PDE4B: variants seen among roughly 807,000 people sequenced by gnomAD.
PDE4B encodes the protein phosphodiesterase 4B.
Under a neutral mutation model 82.2 loss-of-function variants are expected in PDE4B, and 20 were observed. That is an observed-to-expected ratio of 0.24 (90% CI 0.17 to 0.35). The LOEUF is 0.35. PDE4B is among the 10% of genes least tolerant of loss of function. PDE4B has a pLI of 1.00. For synonymous variants in PDE4B, 320 were observed against 318.9 expected, an observed-to-expected ratio of 1.00 and a Z score of -0.04; for missense variants, 655 against 907.2, an observed-to-expected ratio of 0.72 and a Z score of 3.57.
intron 1 of PDE4B, among the ~76,000 whole-genome samples, chr1:65,816,757 A>G (rs1420667532): frequency 3.3e-5 from 5 of 152,232 alleles, no homozygotes; most frequent in Non-Finnish European, 5.9e-5. Context: ...ATGATACAGT[A>G]TAAATTAGAT....
intron 7 of PDE4B, chr1:66,330,848 A>T: frequency 2.1e-6 from 2 of 935,980 alleles, no homozygotes; most frequent in Non-Finnish European, 2.5e-6. Flanking sequence ...AGGTATGTGT[A>T]AGTCTGGCTT....
intron 3 of PDE4B, among the ~76,000 whole-genome samples, chr1:66,241,934 A>G (rs1362716018): frequency 2.0e-5 from 3 of 152,220 alleles, no homozygotes; most frequent in African/African-American, 7.2e-5. Context: ...AGAAAAAACT[A>G]TAAGATCTTT....
chr1:65,852,121 G>A (rs1284173937), intron 1 of PDE4B, among the ~76,000 whole-genome samples: 1 of 151,830 alleles, frequency 6.6e-6, no homozygotes, highest in East Asian at 1.9e-4. Context: ...CTATTTCCAA[G>A]AACTTTTGAA....
At chr1:66,008,197 G>A (rs1006375228) in intron 3 of PDE4B, among the ~76,000 whole-genome samples, 1 of 152,102 alleles carries the variant, frequency 6.6e-6, no homozygotes, top group Non-Finnish European at 1.5e-5. Context: ...ACAGAATTTG[G>A]CACATTAGAG....
At chr1:66,232,039 A>G (rs1452528477) in intron 3 of PDE4B, among the ~76,000 whole-genome samples, 1 of 152,264 alleles carries the variant, frequency 6.6e-6, no homozygotes, top group Admixed American at 6.5e-5. Context: ...AGACCTGCTC[A>G]TAGGCATTTG....
At chr1:65,897,607 A>G (rs1646925544) in intron 1 of PDE4B, among the ~76,000 whole-genome samples, 2 of 151,966 alleles carry the variant, frequency 1.3e-5, no homozygotes, top group Admixed American at 1.3e-4. Flanking sequence ...TTCTTGTGTT[A>G]ATCTGCTTAG....
At chr1:65,864,028 C>A (rs1017051407) in intron 1 of PDE4B, among the ~76,000 whole-genome samples, 1 of 151,848 alleles carries the variant, frequency 6.6e-6, no homozygotes, top group Admixed American at 6.6e-5. Context: ...TGAATTTGAG[C>A]CCCATATTTC....
At chr1:66,336,770 A>G (rs1437209177) in intron 8 of PDE4B, among the ~76,000 whole-genome samples, 2 of 152,202 alleles carry the variant, frequency 1.3e-5, no homozygotes, top group East Asian at 1.9e-4. Flanking sequence ...ACAGATAACC[A>G]TCATGAGGAA....
chr1:66,112,590 A>G (rs1645511890), intron 3 of PDE4B, among the ~76,000 whole-genome samples: 1 of 152,156 alleles, frequency 6.6e-6, no homozygotes, highest in Non-Finnish European at 1.5e-5. Context: ...GGCAGTGAGA[A>G]CATATCTAAC....
intron 1 of PDE4B, among the ~76,000 whole-genome samples, chr1:65,907,296 A>G (rs749760786): frequency 4.6e-5 from 7 of 152,288 alleles, no homozygotes; most frequent in South Asian, 4.1e-4. Flanking sequence ...TATTTTATGT[A>G]TCAAATTCTG....
At chr1:66,025,293 A>T (rs185866531) in intron 3 of PDE4B, among the ~76,000 whole-genome samples, 1 of 152,200 alleles carries the variant, frequency 6.6e-6, no homozygotes, top group Admixed American at 6.5e-5. Flanking sequence ...AACAATTTAT[A>T]TGAAAGCTTT....
rs757951379 is a variant in PDE4B, at chr1:66,198,642, G to A, written c.282-48818G>A. Among the ~76,000 whole-genome samples the A allele has an allele frequency of 1.1e-4, 16 of 152,062 alleles. No individual in the cohort carries two copies. In the South Asian group the frequency reaches 2.9e-3, roughly 28 times the overall value. On this transcript the variant is annotated intron_variant, in intron 3 of 16. Coordinates refer to ENST00000341517, the MANE Select transcript of PDE4B (RefSeq NM_002600.4). ...ATTATTATTATGCTTTAAGTTTTAG[G>A]GTACTTGTGCACAACGTGCAGGTTT...
chr1:66,039,181 A>G (rs1018488279), intron 3 of PDE4B, among the ~76,000 whole-genome samples: 1 of 152,078 alleles, frequency 6.6e-6, no homozygotes, highest in East Asian at 1.9e-4. Flanking sequence ...TTGGACACAC[A>G]ATAGATAACA....
intron 1 of PDE4B, among the ~76,000 whole-genome samples, chr1:65,835,333 A>G (rs1343929978): frequency 6.6e-6 from 1 of 152,184 alleles, no homozygotes; most frequent in Non-Finnish European, 1.5e-5. Flanking sequence ...TGAGCCATTC[A>G]CAAGTTTCTG....
intron 3 of PDE4B, among the ~76,000 whole-genome samples, chr1:66,078,457 A>G (rs939861475): frequency 5.9e-5 from 9 of 151,952 alleles, no homozygotes; most frequent in Non-Finnish European, 1.2e-4. Flanking sequence ...CAATCTGCCC[A>G]CCTCGGTCTC....
intron 3 of PDE4B, among the ~76,000 whole-genome samples, chr1:66,186,156 C>A (rs1647203647): frequency 6.6e-6 from 1 of 152,104 alleles, no homozygotes; most frequent in Non-Finnish European, 1.5e-5. Context: ...AGATATGCGG[C>A]ATTATTTCTG....
intron 6 of PDE4B, among the ~76,000 whole-genome samples, chr1:66,262,295 A>C (rs996202891): frequency 1.3e-5 from 2 of 152,258 alleles, no homozygotes; most frequent in Admixed American, 6.5e-5. Flanking sequence ...CTCCTCACAC[A>C]GGACTCAGTA....
chr1:66,361,604 G>A lies in PDE4B; in HGVS notation c.842-11G>A. ...CATGTGCTGAAAAACATATTCCTTT[G>A]TCTGTTGCAGACAAGCAGAATGATG... is the stretch of plus-strand genomic sequence containing the variant. On this transcript the variant is annotated splice_polypyrimidine_tract_variant and intron_variant, in intron 9 of 16. Coordinates refer to ENST00000341517, the MANE Select transcript of PDE4B (RefSeq NM_002600.4). 6.2e-7 allele frequency: 1 copy of A among 1,605,412 alleles called. No individual in the cohort carries two copies. The highest frequency in any genetic ancestry group is 8.5e-7 in the Non-Finnish European group (1 of 1,175,270).
At chr1:66,257,753 C>G (rs1289409704) in intron 5 of PDE4B, 40 bp from the exon 6 acceptor site, 6 of 1,608,196 alleles carry the variant, frequency 3.7e-6, no homozygotes, top group Non-Finnish European at 4.3e-6. Flanking sequence ...GGCCATTTGT[C>G]TTCTTTTGTC....
Sources: gnomAD v4.1 joint callset for allele counts (sites outside exome capture counted in the v4.1 genomes callset) on GRCh38, gnomAD v4.1.1 for gene constraint, MANE v1.5 for transcripts, NCBI Gene and HGNC (gene_info 2026-07-23, HGNC 2026-07-21) for gene names.